The following SUGCT variants were observed in gnomAD, a reference collection of about 807,000 sequenced individuals.
The protein encoded by SUGCT is succinyl-CoA:glutarate-CoA transferase.
A neutral mutation model predicts 55.0 loss-of-function variants in SUGCT; 41 were observed. The observed-to-expected ratio is 0.74, with a 90% CI of 0.58 to 0.97. SUGCT has a LOEUF of 0.97. Ranked by LOEUF, SUGCT falls within the 50% of genes least tolerant of loss-of-function variation. The pLI is 0.00. For synonymous variants in SUGCT, 187 were observed against 200.4 expected (o/e 0.93, Z 0.56); for missense variants, 568 against 547.8 (o/e 1.04, Z -0.37).
intron 12 of SUGCT, among the ~76,000 whole-genome samples, chr7:40,734,829 G>A (rs1040343799): frequency 1.3e-5 from 2 of 152,178 alleles, no homozygotes; most frequent in African/African-American, 2.4e-5. Context: ...AGAGGATGAA[G>A]CATCACTTCA....
chr7:40,172,092 G>A (rs1784704588), intron 1 of SUGCT, among the ~76,000 whole-genome samples: 1 of 152,152 alleles, frequency 6.6e-6, no homozygotes, highest in East Asian at 1.9e-4. Context: ...CTATAGGAAT[G>A]TGTGCCTCCC....
the SUGCT span, among the ~76,000 whole-genome samples, chr7:40,870,208 G>A: frequency 1.3e-5 from 2 of 152,106 alleles, no homozygotes; most frequent in African/African-American, 4.8e-5. Flanking sequence ...TCATTGAACT[G>A]AAAGAAAAGT....
At chr7:40,425,555 C>T (rs1009628989) in intron 9 of SUGCT, among the ~76,000 whole-genome samples, 3 of 152,070 alleles carry the variant, frequency 2.0e-5, no homozygotes, top group Non-Finnish European at 4.4e-5. Context: ...GTTTCAGACA[C>T]AATTAAGCTT....
chr7:40,738,029 G>A (rs1279585302), intron 12 of SUGCT, among the ~76,000 whole-genome samples: 5 of 150,692 alleles, frequency 3.3e-5, no homozygotes, highest in African/African-American at 9.8e-5. Flanking sequence ...GTAAAACCCC[G>A]TTTCTACTAA....
intron 8 of SUGCT, among the ~76,000 whole-genome samples, chr7:40,287,657 C>T (rs1022625130): frequency 5.9e-5 from 9 of 152,030 alleles, no homozygotes; most frequent in Non-Finnish European, 1.2e-4. Context: ...CCATCATGCT[C>T]AGCTAAATTT....
chr7:40,491,906 C>T (rs1239815744), intron 11 of SUGCT, among the ~76,000 whole-genome samples: 2 of 152,080 alleles, frequency 1.3e-5, no homozygotes, highest in Non-Finnish European at 2.9e-5. Context: ...TGGAGAATCG[C>T]TTGAACCTGG....
intron 9 of SUGCT, among the ~76,000 whole-genome samples, chr7:40,377,209 T>TTTCC (rs1562728840): frequency 1.1e-4 from 1 of 9,338 alleles, no homozygotes; most frequent in Non-Finnish European, 2.6e-4. Flanking sequence ...TTTTCTTTTC[T>TTTCC]TTTCTTTCTT....
chr7:40,238,733 G>A (rs1789169159), intron 7 of SUGCT, among the ~76,000 whole-genome samples: 1 of 151,404 alleles, frequency 6.6e-6, no homozygotes, highest in Non-Finnish European at 1.5e-5. Flanking sequence ...GCAACTGTTG[G>A]GGTTTTAATT....
chr7:40,188,409 G>C, intron 3 of SUGCT, 86 bp from the exon 4 acceptor site: 1 of 943,008 alleles, frequency 1.1e-6, no homozygotes, highest in South Asian at 1.6e-5. Context: ...ACTCCAGCCT[G>C]GGCAACAGAG....
chr7:40,631,176 C>T (rs895714857), intron 12 of SUGCT, among the ~76,000 whole-genome samples: 1 of 152,018 alleles, frequency 6.6e-6, no homozygotes, highest in Non-Finnish European at 1.5e-5. Flanking sequence ...CATGAGCACT[C>T]TATTGTGGCA....
rs1245296379 is a variant in SUGCT at position 40,245,431 on chromosome 7, T to A, written c.576+7705T>A. Among the ~76,000 whole-genome samples the A allele has an allele frequency of 4.5e-3, 141 of 31,052 alleles. 4 individuals are homozygous for A. The highest frequency in any genetic ancestry group is 0.013 in the African/African-American group (74 of 5,612). The allele number at this position is 31,052 out of a possible 152,430, so 20.4% of individuals were successfully genotyped here. A position where few individuals can be genotyped will look rare whatever the true frequency, so the allele number is the denominator to read the frequency against. On this transcript the variant is annotated intron_variant, in intron 7 of 13. Coordinates refer to ENST00000335693, the MANE Select transcript of SUGCT (RefSeq NM_001193313.2). ...TATATATATATATATATATTTTTTT[T>A]TTTTTTTTTTTTTTTTTTTTTTTTT... is the stretch of plus-strand genomic sequence containing the variant.
At chr7:40,982,436 C>T in the SUGCT span, among the ~76,000 whole-genome samples, 6 of 152,092 alleles carry the variant, frequency 3.9e-5, no homozygotes, top group Non-Finnish European at 8.8e-5. Context: ...GTGTAAAGTA[C>T]TAGGTGAGTG....
chr7:41,004,462 C>T, the SUGCT span, among the ~76,000 whole-genome samples: 9 of 152,160 alleles, frequency 5.9e-5, no homozygotes, highest in African/African-American at 9.7e-5. Flanking sequence ...AGACCCAGCA[C>T]GAAAATTTCA....
At chr7:40,244,288 A>T (rs1484203019) in intron 7 of SUGCT, among the ~76,000 whole-genome samples, 2 of 152,222 alleles carry the variant, frequency 1.3e-5, no homozygotes, top group African/African-American at 4.8e-5. Context: ...TAGAATGTGG[A>T]TGGATTAAGA....
intron 9 of SUGCT, among the ~76,000 whole-genome samples, chr7:40,380,949 G>T (rs375626238): frequency 6.6e-6 from 1 of 152,100 alleles, no homozygotes; most frequent in Admixed American, 6.6e-5. Context: ...AATGAAATGC[G>T]TAGCTTTTTC....
rs1329834661 is a variant in SUGCT, at chr7:40,186,087, T to TCCTTCCTTCC, written c.227-2408_227-2407insCCTTCCTTCC. Among the ~76,000 whole-genome samples, 25 of 133,866 alleles carry TCCTTCCTTCC rather than the reference T, an allele frequency of 1.9e-4. No individual in the cohort carries two copies. In the South Asian group the frequency reaches 5.3e-3, roughly 29 times the overall value. The allele number at this position is 133,866 out of a possible 152,430, so 87.8% of individuals were successfully genotyped here. A position where few individuals can be genotyped will look rare whatever the true frequency, so the allele number is the denominator to read the frequency against. On this transcript the variant is annotated intron_variant, in intron 3 of 13. Coordinates refer to ENST00000335693, the MANE Select transcript of SUGCT (RefSeq NM_001193313.2). ...TTGTTTTCTTTCTTTCTTTCTCTCT[T>TCCTTCCTTCC]TTTCTTCCTTCCTTCCTTCCTTCCT...
Position 40,279,671 on chromosome 7 carries a change from C to T in SUGCT, c.720+5015C>T, listed in dbSNP as rs148345741. The stretch of plus-strand genomic sequence containing the variant: ...AATTATTTTATCATAATTATGATAA[C>T]GTTTCATAATAGATAAACCTTGACT... On this transcript the variant is annotated intron_variant, in intron 8 of 13. Coordinates refer to ENST00000335693, the MANE Select transcript of SUGCT (RefSeq NM_001193313.2). 2.4e-4 allele frequency among the ~76,000 whole-genome samples: 36 copies of T among 152,038 alleles called. No individual in the cohort carries two copies. In the East Asian group the frequency reaches 6.6e-3, roughly 28 times the overall value.
chr7:40,497,293 C>T (rs751120776), intron 12 of SUGCT, among the ~76,000 whole-genome samples: 1 of 151,972 alleles, frequency 6.6e-6, no homozygotes, highest in Non-Finnish European at 1.5e-5. Context: ...AGGGAGGAGA[C>T]CTTTGTTGGA....
the SUGCT span, among the ~76,000 whole-genome samples, chr7:40,982,532 G>A: frequency 6.6e-6 from 1 of 152,142 alleles, no homozygotes; most frequent in Non-Finnish European, 1.5e-5. Flanking sequence ...AGTTCTGGAG[G>A]CTAGGAAGTC....
Sources: gnomAD v4.1 joint callset for allele counts (sites outside exome capture counted in the v4.1 genomes callset) on GRCh38, gnomAD v4.1.1 for gene constraint, MANE v1.5 for transcripts, NCBI Gene and HGNC (gene_info 2026-07-23, HGNC 2026-07-21) for gene names.